ADH1B: variants seen among roughly 807,000 people sequenced by gnomAD.
ADH1B encodes the protein all-trans-retinol dehydrogenase [NAD(+)] ADH1B.
ADH1B carries 29 observed loss-of-function variants against 34.6 expected under a neutral mutation model. The observed-to-expected ratio is 0.84, with a 90% CI of 0.62 to 1.14. The LOEUF is 1.14. ADH1B is among the 50% of genes most tolerant of loss of function. The pLI is 0.00. For missense variants in ADH1B, 424 were observed against 468.4 expected (o/e 0.91, Z 0.87); for synonymous variants, 170 against 175.5 (o/e 0.97, Z 0.25).
intron 6 of ADH1B, among the ~76,000 whole-genome samples, chr4:99,313,069 C>A (rs1263717801): frequency 5.3e-5 from 8 of 151,508 alleles, no homozygotes; most frequent in African/African-American, 1.9e-4. Flanking sequence ...CTATGTCACC[C>A]AGGCTGGAGT....
At chr4:99,309,674 T>C (rs1733700493) in intron 8 of ADH1B, among the ~76,000 whole-genome samples, 3 of 152,186 alleles carry the variant, frequency 2.0e-5, no homozygotes, top group Admixed American at 6.5e-5. Context: ...TGTGGTTTAA[T>C]AGAAAGTGAA....
chr4:99,315,511 G>T (rs1040273171), intron 5 of ADH1B: 35 of 296,884 alleles, frequency 1.2e-4, no homozygotes, highest in South Asian at 1.7e-4. Context: ...CAGACTAGAT[G>T]GTCCTCAAGG....
At chr4:99,321,264 T>TAA in intron 1 of ADH1B, 50 bp downstream of exon 1, 1 of 1,480,376 alleles carries the variant, frequency 6.8e-7, no homozygotes, top group Non-Finnish European at 9.4e-7. Context: ...TTCCTTTCTT[T>TAA]GTTATATTGA....
chr4:99,309,735 C>T (rs567175978), intron 8 of ADH1B, among the ~76,000 whole-genome samples: 1 of 152,280 alleles, frequency 6.6e-6, no homozygotes, highest in African/African-American at 2.4e-5. Flanking sequence ...CCCCTTCCTA[C>T]CACTTGATGA....
rs752597744 is a variant in ADH1B, at chr4:99,318,092, G to A, written c.213C>T (p.Ala71=). ...CTTCTCCAACACTCTCCACGATGCC[G>A]GCTGCCTCATGGCCTAAAATCACAG... ...PLPVILGHEA[A]GIVESVGEGV... Residue 71 remains alanine, a synonymous_variant, in exon 3 of 9, where the codon GCC becomes GCT. Transcript: ENST00000305046. 16 of 1,613,916 alleles carry A rather than the reference G, an allele frequency of 9.9e-6. No individual in the cohort carries two copies. The highest frequency in any genetic ancestry group is 5.0e-5 in the Admixed American group (3 of 59,984).
intron 1 of ADH1B, chr4:99,320,810 T>A: frequency 5.0e-6 from 6 of 1,204,042 alleles, no homozygotes; most frequent in Non-Finnish European, 6.3e-6. Flanking sequence ...ATTCTAATGC[T>A]GTGAAATCAA....
intron 6 of ADH1B, among the ~76,000 whole-genome samples, chr4:99,312,240 AC>A (rs1432497889): frequency 2.0e-5 from 3 of 152,158 alleles, no homozygotes; most frequent in African/African-American, 7.2e-5. Flanking sequence ...TTGGATTCTG[AC>A]CTTTGGGAGA....
chr4:99,308,735 G>A (rs1238392879), intron 8 of ADH1B, among the ~76,000 whole-genome samples: 2 of 151,868 alleles, frequency 1.3e-5, no homozygotes, highest in Non-Finnish European at 2.9e-5. Flanking sequence ...ACATAATTCA[G>A]AGAATACAAG....
At position 99,316,212 on chromosome 4, in the gene ADH1B, T is replaced by A; in HGVS notation, c.347+3A>T. The A allele has an allele frequency of 6.2e-7, 1 of 1,614,160 alleles. No homozygotes were observed. Among genetic ancestry groups the A allele is most frequent in the Non-Finnish European group, 8.5e-7 (1 of 1,180,008 alleles). ...CTGTGCAAAGAGAGCATCAGAAACC[T>A]ACTCATTTTTCAAGCAGTAGTTGCT... On this transcript the variant is annotated splice_donor_region_variant and intron_variant, in intron 4 of 8. Transcript: ENST00000305046.
intron 5 of ADH1B, 50 bp from the exon 6 acceptor site, chr4:99,314,131 G>T: frequency 3.1e-6 from 5 of 1,599,520 alleles, no homozygotes; most frequent in Non-Finnish European, 4.3e-6. Flanking sequence ...TTGTTAGAAA[G>T]TGCCTAAGCT....
Position 99,306,935 on chromosome 4 carries a change from T to C in ADH1B, c.*905A>G, listed in dbSNP as rs1180954808. The C allele has an allele frequency of 1.3e-5, 2 of 152,242 alleles. No individual in the cohort carries two copies. The highest frequency in any genetic ancestry group is 2.9e-5 in the Non-Finnish European group (2 of 68,042). The allele number at this position is 152,242 out of a possible 1,614,324, so 9.4% of individuals were successfully genotyped here. ...TTTCTTAGTTACCAATTTTACATTC[T>C]GCATTCACAGCATTTGCCATCCCAT... On this transcript the variant is annotated 3_prime_UTR_variant, in exon 9 of 9. Coordinates refer to ENST00000305046, the MANE Select transcript of ADH1B (RefSeq NM_000668.6).
intron 1 of ADH1B, 145 bp from the exon 2 acceptor site, chr4:99,319,031 T>C: frequency 1.1e-6 from 1 of 891,576 alleles, no homozygotes; most frequent in Non-Finnish European, 1.9e-6. Context: ...CTCTGGTTTA[T>C]AAAGAGAATA....
chr4:99,310,488 C>A, intron 8 of ADH1B: 4 of 384,144 alleles, frequency 1.0e-5, no homozygotes, highest in South Asian at 1.0e-4. Context: ...TTTTTTTGGG[C>A]AAATGTGAGT....
At chr4:99,315,751 T>G in intron 5 of ADH1B, 147 bp downstream of exon 5, 1 of 884,250 alleles carries the variant, frequency 1.1e-6, no homozygotes, top group Non-Finnish European at 1.7e-6. Flanking sequence ...CTAGCATGTG[T>G]ACTCAATTCT....
intron 6 of ADH1B, 138 bp downstream of exon 6, chr4:99,313,683 G>A (rs1252070029): frequency 6.8e-6 from 10 of 1,478,754 alleles, no homozygotes; most frequent in Non-Finnish European, 9.2e-6. Flanking sequence ...AATTAAACAA[G>A]CCACATAACA....
At chr4:99,318,980 C>G in intron 1 of ADH1B, 94 bp from the exon 2 acceptor site, 3 of 1,326,066 alleles carry the variant, frequency 2.3e-6, no homozygotes, top group Non-Finnish European at 3.3e-6. Context: ...ATATTGCGTC[C>G]CATGTCTGGT....
At chr4:99,314,438 G>A (rs1250407303) in intron 5 of ADH1B, 1 of 258,544 alleles carries the variant, frequency 3.9e-6, no homozygotes, top group Non-Finnish European at 7.3e-6. Context: ...TGATCTTTGA[G>A]ATCCAGATGG....
intron 6 of ADH1B, among the ~76,000 whole-genome samples, chr4:99,312,374 C>G (rs1261935947): frequency 6.6e-6 from 1 of 152,056 alleles, no homozygotes; most frequent in African/African-American, 2.4e-5. Context: ...AAGCTGTAGC[C>G]CTGGAAAAAG....
In ADH1B at chr4:99,307,822, G is replaced by T; in HGVS notation, c.*18C>A. 1.2e-6 allele frequency: 2 copies of T among 1,613,420 alleles called. No individual in the cohort carries two copies. Among genetic ancestry groups the T allele is most frequent in the Non-Finnish European group, 1.7e-6 (2 of 1,179,404 alleles). The stretch of plus-strand genomic sequence containing the variant: ...GAGGAGGCTGAAGACTGCTACAGGG[G>T]AAGGCATCTCTATTGCCTCAAAACG... On this transcript the variant is annotated 3_prime_UTR_variant, in exon 9 of 9. Coordinates refer to ENST00000305046, the MANE Select transcript of ADH1B (RefSeq NM_000668.6).
Sources: gnomAD v4.1 joint callset for allele counts (sites outside exome capture counted in the v4.1 genomes callset) on GRCh38, gnomAD v4.1.1 for gene constraint, MANE v1.5 for transcripts, NCBI Gene and HGNC (gene_info 2026-07-23, HGNC 2026-07-21) for gene names.